Variants in WWOX observed in about 807,000 individuals in gnomAD.
WWOX encodes the protein WW domain-containing oxidoreductase.
A neutral mutation model predicts 46.2 loss-of-function variants in WWOX; 69 were observed. The observed-to-expected ratio is 1.49, with a 90% CI of 1.23 to 1.82. WWOX has a LOEUF of 1.82. Among genes scored for constraint, WWOX ranks in the 40% most tolerant of loss-of-function variants. The pLI is 0.00. For missense variants in WWOX, 919 were observed against 542.6 expected (o/e 1.69, Z -6.89); for synonymous variants, 359 against 202.6 (o/e 1.77, Z -6.56).
intron 8 of WWOX, chr16:78,551,397 A>G (rs1567638489): frequency 1.3e-5 from 2 of 152,126 alleles, no homozygotes; most frequent in South Asian, 2.1e-4. Context: ...TAACCTTTAC[A>G]TTGACCCAGT....
rs1032334192 is a variant in WWOX at position 78,526,817 on chromosome 16, C to T, written c.1056+94065C>T. On this transcript the variant is annotated intron_variant, in intron 8 of 8. Coordinates refer to ENST00000566780, the MANE Select transcript of WWOX (RefSeq NM_016373.4). The stretch of plus-strand genomic sequence containing the variant: ...AATTTGGGTTGAGGGTGGCAGTGAT[C>T]TTGAGGGGGGTCTGGGAGGGAGGAG... Among the ~76,000 whole-genome samples, 7 of 152,270 alleles carry T rather than the reference C, an allele frequency of 4.6e-5. No individual in the cohort carries two copies. The East Asian group carries it at 1.4e-3, about 29-fold the overall frequency.
chr16:78,663,088 C>A (rs1018167835), intron 8 of WWOX, among the ~76,000 whole-genome samples: 1 of 152,150 alleles, frequency 6.6e-6, no homozygotes, highest in South Asian at 2.1e-4. Context: ...GCAGACATCA[C>A]CACTATCTAA....
At chr16:78,368,890 T>C (rs1016782872) in intron 5 of WWOX, among the ~76,000 whole-genome samples, 1 of 152,210 alleles carries the variant, frequency 6.6e-6, no homozygotes, top group Non-Finnish European at 1.5e-5. Flanking sequence ...GACAGAATGG[T>C]ACATCCCACC....
intron 8 of WWOX, among the ~76,000 whole-genome samples, chr16:78,794,556 G>C (rs918971167): frequency 1.3e-5 from 2 of 152,082 alleles, no homozygotes; most frequent in African/African-American, 4.8e-5. Context: ...ATATCTAAGA[G>C]GTAATAACCC....
chr16:79,110,332 T>C (rs1046299413), intron 8 of WWOX, among the ~76,000 whole-genome samples: 2 of 152,058 alleles, frequency 1.3e-5, no homozygotes, highest in African/African-American at 4.8e-5. Flanking sequence ...GACATGCCCC[T>C]GCCAACCTCC....
chr16:78,228,730 A>T (rs77909014), intron 5 of WWOX, among the ~76,000 whole-genome samples: 1 of 152,102 alleles, frequency 6.6e-6, no homozygotes, highest in Non-Finnish European at 1.5e-5. Flanking sequence ...TCTGGTGAAC[A>T]TCATTAGTTG....
At chr16:78,360,975 C>T (rs1056502110) in intron 5 of WWOX, among the ~76,000 whole-genome samples, 2 of 152,080 alleles carry the variant, frequency 1.3e-5, no homozygotes. Flanking sequence ...CATGCACCAC[C>T]ATGCCTGGCT....
intron 8 of WWOX, among the ~76,000 whole-genome samples, chr16:78,822,033 T>C (rs932478944): frequency 2.0e-5 from 3 of 152,152 alleles, no homozygotes; most frequent in African/African-American, 7.2e-5. Flanking sequence ...TGCACCACCA[T>C]GCCCAGCTAT....
intron 8 of WWOX, among the ~76,000 whole-genome samples, chr16:78,573,888 G>C (rs1241733369): frequency 6.6e-6 from 1 of 152,172 alleles, no homozygotes; most frequent in African/African-American, 2.4e-5. Context: ...TTATTTCATG[G>C]TTTCTGTGGA....
chr16:78,378,130 CT>C (rs765395155), intron 5 of WWOX, among the ~76,000 whole-genome samples: 2 of 151,226 alleles, frequency 1.3e-5, no homozygotes, highest in East Asian at 1.9e-4. Flanking sequence ...TGCCCCCTGC[CT>C]AAAAAAAAGG....
intron 3 of WWOX, chr16:78,112,081 T>C (rs1409120025): frequency 6.6e-6 from 1 of 152,298 alleles, no homozygotes; most frequent in Non-Finnish European, 1.5e-5. Flanking sequence ...TCTCTTTGTC[T>C]TGTGTCTTTA....
rs144986067 is a variant in WWOX at position 78,341,214 on chromosome 16, C to G, written c.517-45646C>G. Among the ~76,000 whole-genome samples the G allele has an allele frequency of 6.7e-3, 718 of 107,558 alleles. 210 individuals carry two copies. Among genetic ancestry groups the G allele is most frequent in the Middle Eastern group, 0.02 (5 of 250 alleles). The allele number at this position is 107,558 out of a possible 152,430, so 70.6% of individuals were successfully genotyped here. On this transcript the variant is annotated intron_variant, in intron 5 of 8. Transcript: ENST00000566780. The stretch of plus-strand genomic sequence containing the variant: ...ATGAAGTCTCATTTTGTTTCCCAGG[C>G]TGGTCTCACTGTAATTCCTGGGCTC...
rs775739293 is a variant in WWOX, at chr16:78,099,683, C to A, written c.-96C>A. The A allele has an allele frequency of 7.7e-5, 110 of 1,429,788 alleles. No homozygotes were observed. The highest frequency in any genetic ancestry group is 8.9e-5 in the South Asian group (6 of 67,562). 88.6% of individuals were successfully genotyped at this position (1,429,788 alleles called of 1,614,324 possible). On this transcript the variant is annotated 5_prime_UTR_variant, in exon 1 of 9. Transcript: ENST00000566780. ...TGCGCAGGCGTGAGCGGTCGGGCCC[C>A]GACGCGCGCGGGTCTCGTTTGGAGC...
At chr16:79,197,726 T>G (rs2150822438) in intron 8 of WWOX, among the ~76,000 whole-genome samples, 1 of 152,306 alleles carries the variant, frequency 6.6e-6, no homozygotes, top group Middle Eastern at 3.4e-3. Flanking sequence ...GTTCCCAATG[T>G]TTGCTACGGA....
At chr16:79,146,911 A>AT (rs1163166066) in intron 8 of WWOX, among the ~76,000 whole-genome samples, 3 of 152,182 alleles carry the variant, frequency 2.0e-5, no homozygotes, top group East Asian at 1.9e-4. Context: ...TAGTTCACTG[A>AT]TTTTTTAATT....
At chr16:79,008,006 T>G (rs981141370) in intron 8 of WWOX, among the ~76,000 whole-genome samples, 1 of 152,204 alleles carries the variant, frequency 6.6e-6, no homozygotes, top group Admixed American at 6.5e-5. Context: ...CTCCATAGGT[T>G]AAAAGTCCTG....
chr16:78,932,856 G>A (rs1383872164), intron 8 of WWOX, among the ~76,000 whole-genome samples: 1 of 152,172 alleles, frequency 6.6e-6, no homozygotes, highest in Non-Finnish European at 1.5e-5. Flanking sequence ...GAGGTCATCT[G>A]GCCCAGCACC....
At chr16:78,201,567 T>G (rs2036230373) in intron 5 of WWOX, among the ~76,000 whole-genome samples, 1 of 152,186 alleles carries the variant, frequency 6.6e-6, no homozygotes, top group Non-Finnish European at 1.5e-5. Flanking sequence ...GAGTCCTACC[T>G]CAGCCATGCC....
chr16:78,622,251 G>C (rs914112157), intron 8 of WWOX, among the ~76,000 whole-genome samples: 1 of 152,088 alleles, frequency 6.6e-6, no homozygotes, highest in Admixed American at 6.5e-5. Flanking sequence ...TGATAAAAGT[G>C]AACCCTTGTG....
Sources: allele counts gnomAD v4.1 joint callset (sites outside exome capture counted in the v4.1 genomes callset), GRCh38; gene constraint gnomAD v4.1.1; transcripts MANE v1.5; gene names NCBI Gene and HGNC (gene_info 2026-07-23, HGNC 2026-07-21).